The following BBS9 variants were observed in gnomAD, a reference collection of about 807,000 sequenced individuals.
The protein encoded by BBS9 is protein PTHB1.
A neutral mutation model predicts 117.7 loss-of-function variants in BBS9; 89 were observed. The ratio of observed to expected loss-of-function variants is 0.76; its 90% CI spans 0.64 to 0.90. The LOEUF is 0.90. BBS9 is among the 40% of genes least tolerant of loss of function. The pLI, the probability that BBS9 is intolerant of heterozygous loss-of-function variation, is 0.00. For missense variants in BBS9, 982 were observed against 1,042.2 expected, an observed-to-expected ratio of 0.94 and a Z score of 0.80; for synonymous variants, 379 against 370.9, an observed-to-expected ratio of 1.02 and a Z score of -0.25.
At chr7:33,313,005 A>C (rs988621977) in intron 9 of BBS9, among the ~76,000 whole-genome samples, 2 of 151,504 alleles carry the variant, frequency 1.3e-5, no homozygotes, top group Non-Finnish European at 2.9e-5. Flanking sequence ...GCCTTAGTAA[A>C]ATACTTTTCT....
At chr7:33,635,535 C>G (rs905085348) in exon 22 of BBS9, among the ~76,000 whole-genome samples, 1 of 152,304 alleles carries the variant, frequency 6.6e-6, no homozygotes, top group East Asian at 1.9e-4. Context: ...TACTCAGTGC[C>G]CTTTCAACAA....
chr7:33,188,111 T>TGTGTGTGTGTGTGTGG (rs1783443171), intron 5 of BBS9, among the ~76,000 whole-genome samples: 2 of 5,000 alleles, frequency 4.0e-4, no homozygotes, highest in Middle Eastern at 0.12. Flanking sequence ...TGTGTGTGTG[T>TGTGTGTGTGTGTGTGG]GGCGGGTGGG....
intron 21 of BBS9, among the ~76,000 whole-genome samples, chr7:33,581,095 TGA>T (rs10609889): frequency 0.26 from 38,083 of 148,464 alleles, 5,821 homozygotes; most frequent in African/African-American, 0.43. Context: ...TGTGTGTGTG[TGA>T]GAGAGAGAGA....
rs550164670 is a variant in BBS9, at chr7:33,563,411, C to T, written c.2521+29235C>T. Among the ~76,000 whole-genome samples, 5 of 152,134 alleles carry T rather than the reference C, an allele frequency of 3.3e-5. No individual in the cohort carries two copies. The South Asian group carries it at 1.0e-3, about 32-fold the overall frequency. On this transcript the variant is annotated intron_variant, in intron 21 of 22. Transcript: ENST00000242067. ...AAGAGATTGCTTTTAAAAGAATTTA[C>T]GATCTCCACTGACACAGGAGGTAAA...
chr7:33,598,344 A>C (rs1307369716), intron 21 of BBS9, among the ~76,000 whole-genome samples: 1 of 152,156 alleles, frequency 6.6e-6, no homozygotes, highest in African/African-American at 2.4e-5. Flanking sequence ...TACTCCTCAA[A>C]ACTGTCAAGG....
At chr7:33,207,248 A>G (rs896745701) in intron 5 of BBS9, among the ~76,000 whole-genome samples, 3 of 152,190 alleles carry the variant, frequency 2.0e-5, no homozygotes, top group Admixed American at 2.0e-4. Context: ...ATAACCCATT[A>G]GCAATTCTTG....
At chr7:33,237,326 T>C (rs1793699296) in intron 5 of BBS9, among the ~76,000 whole-genome samples, 1 of 152,232 alleles carries the variant, frequency 6.6e-6, no homozygotes, top group African/African-American at 2.4e-5. Context: ...ACACAGACTT[T>C]TGTTCTTCTT....
At chr7:33,171,450 A>G (rs911134292) in intron 4 of BBS9, among the ~76,000 whole-genome samples, 1 of 152,256 alleles carries the variant, frequency 6.6e-6, no homozygotes, top group Non-Finnish European at 1.5e-5. Flanking sequence ...CTATGTATAC[A>G]AAATTGTTTC....
chr7:33,533,674 A>C (rs1240163450), intron 20 of BBS9: 1 of 490,712 alleles, frequency 2.0e-6, no homozygotes, highest in Non-Finnish European at 3.7e-6. Flanking sequence ...CTCAGAGCTA[A>C]ACCCTTCTCA....
chr7:33,407,136 T>G (rs2128808781), intron 19 of BBS9, among the ~76,000 whole-genome samples: 1 of 152,334 alleles, frequency 6.6e-6, no homozygotes, highest in Admixed American at 6.5e-5. Flanking sequence ...CTCATTTCTT[T>G]TTATTCTTTT....
At chr7:33,445,440 C>G (rs1385483491) in intron 19 of BBS9, among the ~76,000 whole-genome samples, 1 of 152,036 alleles carries the variant, frequency 6.6e-6, no homozygotes, top group Non-Finnish European at 1.5e-5. Context: ...TCAGAAATGC[C>G]AGTACATCAT....
At chr7:33,549,008 A>G in intron 21 of BBS9, among the ~76,000 whole-genome samples, 1 of 150,962 alleles carries the variant, frequency 6.6e-6, no homozygotes, top group Non-Finnish European at 1.5e-5. Context: ...GAGGCATCAC[A>G]CTACCTGACT....
intron 19 of BBS9, among the ~76,000 whole-genome samples, chr7:33,429,652 T>C (rs933412944): frequency 1.3e-5 from 2 of 152,078 alleles, no homozygotes; most frequent in South Asian, 2.1e-4. Context: ...CTTTTCAGAA[T>C]TGAAAAAAAT....
At chr7:33,425,364 G>T (rs1022677926) in intron 19 of BBS9, among the ~76,000 whole-genome samples, 1 of 152,114 alleles carries the variant, frequency 6.6e-6, no homozygotes, top group Admixed American at 6.5e-5. Flanking sequence ...TTAATTTTAA[G>T]TTCCAGGGTA....
At chr7:33,148,062 A>G (rs1315291008) in intron 2 of BBS9, among the ~76,000 whole-genome samples, 1 of 152,108 alleles carries the variant, frequency 6.6e-6, no homozygotes, top group Non-Finnish European at 1.5e-5. Flanking sequence ...CTAATTTTTG[A>G]TAAGTTCCAA....
chr7:33,612,733 C>T (rs543633404), intron 21 of BBS9, among the ~76,000 whole-genome samples: 4 of 152,100 alleles, frequency 2.6e-5, no homozygotes, highest in South Asian at 4.2e-4. Flanking sequence ...GTACCTCTTC[C>T]GGATGTTTTT....
chr7:33,421,024 G>A (rs1428096683), intron 19 of BBS9, among the ~76,000 whole-genome samples: 3 of 152,184 alleles, frequency 2.0e-5, no homozygotes, highest in Non-Finnish European at 4.4e-5. Flanking sequence ...GCTTTTCAGC[G>A]AAAGAACTTC....
intron 21 of BBS9, among the ~76,000 whole-genome samples, chr7:33,592,112 T>G (rs1862023025): frequency 2.0e-5 from 3 of 152,046 alleles, no homozygotes; most frequent in African/African-American, 7.2e-5. Flanking sequence ...TACCTGAGCG[T>G]TTTTTAGAAA....
chr7:33,230,034 C>T (rs993798685), intron 5 of BBS9, among the ~76,000 whole-genome samples: 3 of 152,208 alleles, frequency 2.0e-5, no homozygotes, highest in East Asian at 1.9e-4. Context: ...TTATCATATA[C>T]GTCTTGGCCA....
Sources: gnomAD v4.1 joint callset for allele counts (sites outside exome capture counted in the v4.1 genomes callset) on GRCh38, gnomAD v4.1.1 for gene constraint, MANE v1.5 for transcripts, NCBI Gene and HGNC (gene_info 2026-07-23, HGNC 2026-07-21) for gene names.